Variants in ARHGEF33 observed in about 807,000 individuals in gnomAD.
ARHGEF33 encodes the protein Rho guanine nucleotide exchange factor 33.
Under a neutral mutation model 101.9 loss-of-function variants are expected in ARHGEF33, and 72 were observed. That is an observed-to-expected ratio of 0.71 (90% CI 0.58 to 0.86). The LOEUF (loss-of-function observed/expected upper bound fraction) is 0.86, where lower values mean the gene tolerates loss of function less well. Ranked by LOEUF, ARHGEF33 falls within the 40% of genes least tolerant of loss-of-function variation. The probability of loss-of-function intolerance (pLI) is 0.00; values close to 1 mark genes in which losing one functional copy is unlikely to be tolerated. For synonymous variants in ARHGEF33, 499 were observed against 442.5 expected, an observed-to-expected ratio of 1.13 and a Z score of -1.60; for missense variants, 1,169 against 1,111.3, an observed-to-expected ratio of 1.05 and a Z score of -0.74.
Position 38,975,202 on chromosome 2 carries a change from C to G in ARHGEF33, c.*1359C>G, listed in dbSNP as rs1156981548. ...TCCTTGTCTGATGACAAATTAGGAACTCACCTACTGCGTTTTGAATAGTAG... is the reference window on the plus strand; with the variant it reads ...TCCTTGTCTGATGACAAATTAGGAAGTCACCTACTGCGTTTTGAATAGTAG... On this transcript the variant is annotated 3_prime_UTR_variant, in exon 18 of 18. Coordinates refer to ENST00000409978, the MANE Select transcript of ARHGEF33 (RefSeq NM_001145451.5). 1 of 152,310 alleles carries G rather than the reference C, an allele frequency of 6.6e-6. No individual in the cohort carries two copies. Among genetic ancestry groups the G allele is most frequent in the East Asian group, 1.9e-4 (1 of 5,188 alleles). 9.4% of individuals were successfully genotyped at this position (152,310 alleles called of 1,614,324 possible).
At chr2:38,950,896 G>A (rs1667583382) in intron 10 of ARHGEF33, 93 bp from the exon 11 acceptor site, 3 of 1,229,798 alleles carry the variant, frequency 2.4e-6, no homozygotes, top group Non-Finnish European at 2.3e-6. Context: ...TATGTTGGAT[G>A]GCTGGGAGAA....
At chr2:38,911,560 T>C (rs758245392) in intron 2 of ARHGEF33, among the ~76,000 whole-genome samples, 2 of 152,224 alleles carry the variant, frequency 1.3e-5, no homozygotes, top group African/African-American at 2.4e-5. Context: ...CTTTTCAGTA[T>C]TCTTTAGGTT....
At chr2:38,937,675 A>C in intron 9 of ARHGEF33, 116 bp downstream of exon 9, 1 of 662,484 alleles carries the variant, frequency 1.5e-6, no homozygotes, top group Non-Finnish European at 2.6e-6. Context: ...GAGGCCACCT[A>C]GTTCCTGGTT....
At chr2:38,921,809 GCT>G (rs1666763849) in intron 4 of ARHGEF33, among the ~76,000 whole-genome samples, 1 of 152,152 alleles carries the variant, frequency 6.6e-6, no homozygotes. Context: ...TCTCTTGCCT[GCT>G]GCCCCCATCG....
chr2:38,940,840 A>G (rs771660121), intron 9 of ARHGEF33, among the ~76,000 whole-genome samples: 4 of 152,152 alleles, frequency 2.6e-5, no homozygotes, highest in Non-Finnish European at 5.9e-5. Context: ...TTTTTTAAGG[A>G]TAATTTGGTG....
chr2:38,960,341 G>C lies in ARHGEF33; in HGVS notation c.2036G>C (p.Ser679Thr). The change falls in exon 16 of 18, where the codon AGC becomes ACC. Residue 679 changes from serine (S) to threonine (T), a missense_variant. By Grantham distance (58) the Ser-to-Thr change is moderately conservative. Transcript: ENST00000409978. ...CACCCGCTGCAGCCGCTGCCCAAGA[G>C]CGCTACGTCGCCGGCGGGCAGCAGC... is the stretch of plus-strand genomic sequence containing the variant. Reference protein sequence around the residue: ...PEHPLQPLPKSATSPAGSSSA... With the variant: ...PEHPLQPLPKTATSPAGSSSA... 6.5e-7 allele frequency: 1 copy of C among 1,535,368 alleles called. No individual in the cohort carries two copies. The highest frequency in any genetic ancestry group is 8.7e-7 in the Non-Finnish European group (1 of 1,143,966).
Position 38,960,525 on chromosome 2 carries a change from C to T in ARHGEF33, c.2220C>T (p.Ala740=), listed in dbSNP as rs865821047. Reference sequence around the variant, plus strand: ...GCGGCGGCCGCGCGCCCATCAAGGCCGAGCGCGCCGCGCAGGCGCACGGCC... The same window carrying T: ...GCGGCGGCCGCGCGCCCATCAAGGCTGAGCGCGCCGCGCAGGCGCACGGCC... ...SSSGGRAPIK[A]ERAAQAHGPA... Residue 740 remains alanine, a synonymous_variant, in exon 16 of 18, where the codon GCC becomes GCT. Coordinates refer to ENST00000409978, the MANE Select transcript of ARHGEF33 (RefSeq NM_001145451.5). 380 of 1,265,986 alleles carry T rather than the reference C, an allele frequency of 3.0e-4. 1 individual carries two copies. The African/African-American group carries it at 4.9e-3, about 16-fold the overall frequency. 78.4% of individuals were successfully genotyped at this position (1,265,986 alleles called of 1,614,324 possible).
chr2:38,913,896 T>C (rs538307657), intron 2 of ARHGEF33, among the ~76,000 whole-genome samples: 1 of 152,030 alleles, frequency 6.6e-6, no homozygotes, highest in Admixed American at 6.5e-5. Context: ...TTAGAAGCTG[T>C]CACTCCTTGG....
intron 2 of ARHGEF33, among the ~76,000 whole-genome samples, chr2:38,912,308 C>T (rs1158854610): frequency 6.6e-6 from 1 of 152,140 alleles, no homozygotes; most frequent in Non-Finnish European, 1.5e-5. Flanking sequence ...ATCAAGGGCA[C>T]AGTGAAGAAT....
intron 1 of ARHGEF33, among the ~76,000 whole-genome samples, chr2:38,891,209 C>T (rs536883341): frequency 1.3e-5 from 2 of 152,238 alleles, no homozygotes; most frequent in African/African-American, 4.8e-5. Context: ...GCTGGGATTA[C>T]AGGTGTGAGC....
chr2:38,894,555 T>C (rs1666080116), intron 1 of ARHGEF33, among the ~76,000 whole-genome samples: 1 of 152,200 alleles, frequency 6.6e-6, no homozygotes, highest in South Asian at 2.1e-4. Flanking sequence ...AGTTCCTTAG[T>C]GAGAGGCCCC....
intron 8 of ARHGEF33, among the ~76,000 whole-genome samples, chr2:38,936,226 T>G (rs966345174): frequency 1.6e-4 from 24 of 152,158 alleles, no homozygotes; most frequent in Admixed American, 1.0e-3. Context: ...AAGGACTAAA[T>G]AATAGAAAAG....
At chr2:38,913,608 A>G (rs1171145362) in intron 2 of ARHGEF33, among the ~76,000 whole-genome samples, 1 of 152,012 alleles carries the variant, frequency 6.6e-6, no homozygotes, top group Non-Finnish European at 1.5e-5. Flanking sequence ...AAACCCATCT[A>G]TATTAAAAAT....
intron 15 of ARHGEF33, among the ~76,000 whole-genome samples, chr2:38,958,847 A>G (rs1311551072): frequency 6.6e-6 from 1 of 152,076 alleles, no homozygotes; most frequent in Non-Finnish European, 1.5e-5. Context: ...ATGCCCGGCT[A>G]ATTTTTGTAC....
chr2:38,960,112 C>T lies in ARHGEF33; in HGVS notation c.1807C>T (p.Pro603Ser). The change falls in exon 16 of 18, where the codon CCC (proline) becomes TCC (serine). Residue 603 changes from proline to serine, a missense_variant. Transcript: ENST00000409978. The stretch of plus-strand genomic sequence containing the variant: ...CCTGCGCGCCCCGGCCGAGCTCCTG[C>T]CCGATGCCCGCGGCTTCGTGCCCGC... The part of the protein sequence containing the change: ...RSLRAPAELL[P>S]DARGFVPAAY... 6.5e-7 allele frequency: 1 copy of T among 1,542,268 alleles called. No homozygotes were observed. Among genetic ancestry groups the T allele is most frequent in the African/African-American group, 1.4e-5 (1 of 73,086 alleles).
At chr2:38,913,000 T>C (rs563169042) in intron 2 of ARHGEF33, among the ~76,000 whole-genome samples, 1 of 152,184 alleles carries the variant, frequency 6.6e-6, no homozygotes, top group South Asian at 2.1e-4. Context: ...ATTCCTTATA[T>C]AGCATATGGG....
Position 38,933,671 on chromosome 2 carries a change from G to A in ARHGEF33, c.506-2104G>A, listed in dbSNP as rs572340657. Among the ~76,000 whole-genome samples the A allele has an allele frequency of 5.9e-5, 9 of 152,254 alleles. No individual in the cohort carries two copies. In the East Asian group the frequency reaches 1.2e-3, roughly 20 times the overall value. On this transcript the variant is annotated intron_variant, in intron 7 of 17. Transcript: ENST00000409978. ...ATTACAGGTGTGAGGCACCACGACC[G>A]ACCCATAGTCTTTTTATAACCTAAT...
chr2:38,964,386 A>G (rs1176519516), intron 16 of ARHGEF33, among the ~76,000 whole-genome samples: 3 of 151,950 alleles, frequency 2.0e-5, no homozygotes, highest in Non-Finnish European at 4.4e-5. Context: ...CTTGCCACTT[A>G]CTGATAGGGT....
In ARHGEF33 at chr2:38,919,409, T is replaced by C; in HGVS notation, c.-39T>C. ...CTGAGCCAGGACGATGAGGATGCAA[T>C]GTTGAAGAATAAGCTGGAGAAGAGA... On this transcript the variant is annotated 5_prime_UTR_variant, in exon 3 of 18. An upstream start codon of the reference 5' UTR is lost. Transcript: ENST00000409978. 1 of 1,551,316 alleles carries C rather than the reference T, an allele frequency of 6.4e-7. No homozygotes were observed. Among genetic ancestry groups the C allele is most frequent in the Non-Finnish European group, 8.7e-7 (1 of 1,146,612 alleles).
Sources: gnomAD v4.1 joint callset for allele counts (sites outside exome capture counted in the v4.1 genomes callset) on GRCh38, gnomAD v4.1.1 for gene constraint, MANE v1.5 for transcripts, NCBI Gene and HGNC (gene_info 2026-07-23, HGNC 2026-07-21) for gene names.